Variants in NRG3 observed in about 807,000 individuals in gnomAD.
NRG3 encodes pro-neuregulin-3, membrane-bound isoform.
NRG3 carries 31 observed loss-of-function variants against 66.9 expected under a neutral mutation model. That is an observed-to-expected ratio of 0.46 (90% CI 0.35 to 0.63). The LOEUF is 0.63. Among genes scored for constraint, NRG3 ranks in the 20% least tolerant of loss-of-function variants. The probability of loss-of-function intolerance (pLI) is 0.00; values close to 1 mark genes in which losing one functional copy is unlikely to be tolerated. For synonymous variants in NRG3, 393 were observed against 359.4 expected, an observed-to-expected ratio of 1.09 and a Z score of -1.06; for missense variants, 910 against 878.9, an observed-to-expected ratio of 1.04 and a Z score of -0.45.
chr10:81,876,060 C>T lies in NRG3; in HGVS notation c.720C>T (p.Pro240=), dbSNP rs937626131. 48 of 1,613,826 alleles carry T rather than the reference C, an allele frequency of 3.0e-5. No individual in the cohort carries two copies. Among genetic ancestry groups the T allele is most frequent in the Non-Finnish European group, 4.1e-5 (48 of 1,180,028 alleles). ...ATSSYLHDST[P]SWTLSPFQDA... ...CCTCCTACCTTCACGATTCTACTCC[C>T]TCCTGGACCCTGTCTCCCTTTCAGG... Residue 240 remains proline, a synonymous_variant, in exon 1 of 9, where the codon CCC becomes CCT. Transcript: ENST00000372141.
intron 2 of NRG3, among the ~76,000 whole-genome samples, chr10:82,374,458 T>C (rs1354676174): frequency 2.0e-5 from 3 of 152,218 alleles, no homozygotes; most frequent in Non-Finnish European, 4.4e-5. Flanking sequence ...ATATAGATTC[T>C]CAAGATCTTC....
chr10:82,000,910 CT>C (rs1277714094), intron 1 of NRG3, among the ~76,000 whole-genome samples: 7 of 152,054 alleles, frequency 4.6e-5, no homozygotes, highest in African/African-American at 1.7e-4. Context: ...TGTTTTTTCT[CT>C]TTTAAAATAA....
chr10:82,260,987 C>T (rs2077995337), intron 1 of NRG3, among the ~76,000 whole-genome samples: 1 of 152,048 alleles, frequency 6.6e-6, no homozygotes, highest in Admixed American at 6.6e-5. Flanking sequence ...GGGCAGGTTG[C>T]TCATGAATGG....
chr10:82,287,013 A>G (rs1234747824), intron 1 of NRG3, among the ~76,000 whole-genome samples: 1 of 152,224 alleles, frequency 6.6e-6, no homozygotes, highest in Non-Finnish European at 1.5e-5. Context: ...AGAGTTAATT[A>G]AAGTACTGTT....
intron 3 of NRG3, among the ~76,000 whole-genome samples, chr10:82,771,765 T>C (rs11195879): frequency 0.19 from 28,215 of 152,050 alleles, 4,204 homozygotes; most frequent in African/African-American, 0.42. Flanking sequence ...AAATTGTCCA[T>C]CTCAATAGCA....
intron 1 of NRG3, among the ~76,000 whole-genome samples, chr10:82,184,576 G>T (rs2073675927): frequency 6.6e-6 from 1 of 152,094 alleles, no homozygotes; most frequent in South Asian, 2.1e-4. Flanking sequence ...ATATGTAAAA[G>T]AAACACATTT....
At chr10:82,592,563 A>G (rs1450407377) in intron 2 of NRG3, among the ~76,000 whole-genome samples, 6 of 152,194 alleles carry the variant, frequency 3.9e-5, no homozygotes, top group African/African-American at 1.4e-4. Context: ...AAGCCATGGT[A>G]CCAGCACATA....
intron 2 of NRG3, among the ~76,000 whole-genome samples, chr10:82,543,859 G>A (rs2043714945): frequency 6.6e-6 from 1 of 152,180 alleles, no homozygotes; most frequent in African/African-American, 2.4e-5. Flanking sequence ...ATCTGGCTTA[G>A]GGGGATAAGC....
intron 1 of NRG3, among the ~76,000 whole-genome samples, chr10:81,970,235 A>G (rs1337741582): frequency 6.6e-6 from 1 of 152,216 alleles, no homozygotes; most frequent in African/African-American, 2.4e-5. Flanking sequence ...TTTTGTGCAT[A>G]TAGCATAGTA....
At chr10:82,181,004 T>G (rs1323290640) in intron 1 of NRG3, among the ~76,000 whole-genome samples, 2 of 151,812 alleles carry the variant, frequency 1.3e-5, no homozygotes, top group Middle Eastern at 3.2e-3. Flanking sequence ...TTAGTCTTGG[T>G]AGACTGAATT....
chr10:81,922,806 A>G (rs1358931249), intron 1 of NRG3, among the ~76,000 whole-genome samples: 2 of 152,116 alleles, frequency 1.3e-5, no homozygotes, highest in African/African-American at 4.8e-5. Flanking sequence ...ATATTTTTAA[A>G]TGTCCCAAAT....
At chr10:81,978,380 A>G (rs1188933142) in intron 1 of NRG3, among the ~76,000 whole-genome samples, 2 of 152,184 alleles carry the variant, frequency 1.3e-5, no homozygotes, top group African/African-American at 4.8e-5. Context: ...TTGCTTTGAG[A>G]AGCACATCGA....
At chr10:81,996,937 G>GA (rs552721770) in intron 1 of NRG3, among the ~76,000 whole-genome samples, 4 of 149,896 alleles carry the variant, frequency 2.7e-5, no homozygotes, top group African/African-American at 7.3e-5. Flanking sequence ...GGCATGATTT[G>GA]AAAAAAAAAT....
At chr10:82,887,227 G>A (rs1410052823) in intron 4 of NRG3, among the ~76,000 whole-genome samples, 1 of 152,128 alleles carries the variant, frequency 6.6e-6, no homozygotes, top group Non-Finnish European at 1.5e-5. Context: ...GCTCTTAAAT[G>A]TTGCTGGACA....
intron 2 of NRG3, among the ~76,000 whole-genome samples, chr10:82,435,555 A>C (rs1564918195): frequency 1.3e-5 from 2 of 151,846 alleles, no homozygotes; most frequent in Admixed American, 6.6e-5. Context: ...TCGATATGAG[A>C]TCTTCCTAGC....
intron 1 of NRG3, among the ~76,000 whole-genome samples, chr10:82,264,779 G>A (rs1011559627): frequency 5.3e-5 from 8 of 152,174 alleles, no homozygotes; most frequent in Non-Finnish European, 1.2e-4. Context: ...ATCATGACAA[G>A]TGCCACTGAG....
chr10:82,852,923 A>C (rs572081788), intron 3 of NRG3, among the ~76,000 whole-genome samples: 10 of 152,208 alleles, frequency 6.6e-5, no homozygotes, highest in African/African-American at 2.2e-4. Context: ...ATTAGACAAT[A>C]GTTTCCTCCA....
chr10:82,113,950 T>C (rs555150539), intron 1 of NRG3, among the ~76,000 whole-genome samples: 1 of 152,260 alleles, frequency 6.6e-6, no homozygotes, highest in Admixed American at 6.5e-5. Context: ...GAAACATGTA[T>C]GCTTTCTTTA....
chr10:82,510,931 A>C (rs1845110295), intron 2 of NRG3, among the ~76,000 whole-genome samples: 1 of 152,220 alleles, frequency 6.6e-6, no homozygotes, highest in African/African-American at 2.4e-5. Context: ...TGGCACTTCC[A>C]AGAGGCCCAG....
Sources: gnomAD v4.1 joint callset for allele counts (sites outside exome capture counted in the v4.1 genomes callset) on GRCh38, gnomAD v4.1.1 for gene constraint, MANE v1.5 for transcripts, NCBI Gene and HGNC (gene_info 2026-07-23, HGNC 2026-07-21) for gene names.